NOL10: variants seen among roughly 807,000 people sequenced by gnomAD.
NOL10 encodes the protein H_NH0074G24.1.
In NOL10, 58 loss-of-function variants were observed where a neutral mutation model predicts 103.5. That is an observed-to-expected ratio of 0.56 (90% CI 0.45 to 0.70). The LOEUF (loss-of-function observed/expected upper bound fraction) is 0.70, where lower values mean the gene tolerates loss of function less well. Ranked by LOEUF, NOL10 falls within the 30% of genes least tolerant of loss-of-function variation. The probability of loss-of-function intolerance (pLI) is 0.00; values close to 1 mark genes in which losing one functional copy is unlikely to be tolerated. For synonymous variants in NOL10, 287 were observed against 282.5 expected, an observed-to-expected ratio of 1.02 and a Z score of -0.16; for missense variants, 763 against 807.3, an observed-to-expected ratio of 0.95 and a Z score of 0.67.
At chr2:10,621,437 T>C (rs542040291) in intron 13 of NOL10, among the ~76,000 whole-genome samples, 1 of 151,994 alleles carries the variant, frequency 6.6e-6, no homozygotes, top group Non-Finnish European at 1.5e-5. Flanking sequence ...CTATAAAACA[T>C]ACGAAAATTA....
At chr2:10,593,240 G>A (rs1162824919) in intron 17 of NOL10, among the ~76,000 whole-genome samples, 2 of 151,908 alleles carry the variant, frequency 1.3e-5, no homozygotes, top group African/African-American at 4.8e-5. Flanking sequence ...CCGGGTTCAA[G>A]CGATTCTCCT....
At chr2:10,627,759 A>G (rs1677572928) in intron 13 of NOL10, among the ~76,000 whole-genome samples, 3 of 149,288 alleles carry the variant, frequency 2.0e-5, no homozygotes. Flanking sequence ...GGAGGGAGGG[A>G]GAGAGGGAGG....
rs192126575 is a variant in NOL10, at chr2:10,687,378, T to C, written c.66+2418A>G. 2.2e-3 allele frequency among the ~76,000 whole-genome samples: 340 copies of C among 152,194 alleles called. 1 individual carries two copies. The highest frequency in any genetic ancestry group is 7.8e-3 in the African/African-American group (324 of 41,536). On this transcript the variant is annotated intron_variant, in intron 1 of 20. Transcript: ENST00000381685. ...GACCACCACCTCCTCCTTGAAACAC[T>C]TACTTCTACAAAACTACACATTTCC...
chr2:10,596,590 G>A lies in NOL10; in HGVS notation c.1422+4263C>T, dbSNP rs182081323. On this transcript the variant is annotated intron_variant, in intron 17 of 20. Transcript: ENST00000381685. ...CCTGACAGGAGGTGGGGCTCAGGCA[G>A]TAATGTGAGCAATGGGGAGTGGCTG... Among the ~76,000 whole-genome samples the A allele has an allele frequency of 2.4e-4, 37 of 152,270 alleles. No individual in the cohort carries two copies. The East Asian group carries it at 7.0e-3, about 29-fold the overall frequency.
chr2:10,660,614 G>T (rs999083850), intron 9 of NOL10, among the ~76,000 whole-genome samples: 4 of 151,972 alleles, frequency 2.6e-5, no homozygotes, highest in Non-Finnish European at 1.5e-5. Flanking sequence ...CACCACACCT[G>T]GCCCATATAT....
intron 19 of NOL10, among the ~76,000 whole-genome samples, chr2:10,582,358 C>G (rs1165814084): frequency 1.3e-5 from 2 of 152,202 alleles, no homozygotes; most frequent in Admixed American, 6.5e-5. Flanking sequence ...AGGGCAGGTA[C>G]TTCAAAGAAT....
intron 5 of NOL10, 49 bp downstream of exon 5, chr2:10,673,471 C>T: frequency 1.8e-6 from 2 of 1,133,724 alleles, no homozygotes; most frequent in Non-Finnish European, 2.5e-6. Flanking sequence ...AAATTCCACT[C>T]ACTCATTTCT....
chr2:10,587,298 G>A lies in NOL10; in HGVS notation c.1844+1745C>T, dbSNP rs1195547857. The stretch of plus-strand genomic sequence containing the variant: ...ATATTTTTTTTTTTTTTGAGATGGA[G>A]TCTAGTTCTGTTGCCAGACTGGAGT... On this transcript the variant is annotated intron_variant, in intron 19 of 20. Transcript: ENST00000381685. Among the ~76,000 whole-genome samples the A allele has an allele frequency of 1.2e-4, 13 of 112,234 alleles. No individual in the cohort carries two copies. The Admixed American group carries it at 1.2e-3, about 10-fold the overall frequency. 73.6% of individuals were successfully genotyped at this position (112,234 alleles called of 152,430 possible). A position where few individuals can be genotyped will look rare whatever the true frequency, so the allele number is the denominator to read the frequency against.
intron 12 of NOL10, among the ~76,000 whole-genome samples, chr2:10,647,188 A>AGTAGGCAGTGCACT (rs145906698): frequency 6.6e-6 from 1 of 150,524 alleles, no homozygotes; most frequent in Non-Finnish European, 1.5e-5. Flanking sequence ...TATAGTGTAT[A>AGTAGGCAGTGCACT]GTACGCTGTA....
intron 1 of NOL10, among the ~76,000 whole-genome samples, chr2:10,688,445 T>A (rs184815996): frequency 7.9e-5 from 12 of 152,306 alleles, no homozygotes; most frequent in Admixed American, 7.2e-4. Context: ...TGCATTCCCA[T>A]GTGGGGCTTT....
At chr2:10,612,046 C>G (rs1676600843) in intron 13 of NOL10, among the ~76,000 whole-genome samples, 1 of 152,034 alleles carries the variant, frequency 6.6e-6, no homozygotes, top group Admixed American at 6.6e-5. Context: ...TCCCTTAAGC[C>G]CAGGATTTGG....
chr2:10,582,570 A>AT (rs1346192678), intron 19 of NOL10, among the ~76,000 whole-genome samples: 2 of 152,166 alleles, frequency 1.3e-5, no homozygotes, highest in African/African-American at 2.4e-5. Flanking sequence ...ATGTGCCCAG[A>AT]TTCCTGAGGC....
chr2:10,604,554 C>T (rs1676146087), intron 14 of NOL10: 2 of 152,102 alleles, frequency 1.3e-5, no homozygotes, highest in African/African-American at 4.8e-5. Flanking sequence ...CTTAATGAAA[C>T]GTGAATGTAT....
At chr2:10,637,188 CAA>C (rs61693251) in intron 13 of NOL10, among the ~76,000 whole-genome samples, 2,081 of 44,354 alleles carry the variant, frequency 0.047, 23 homozygotes, top group African/African-American at 0.17. Flanking sequence ...GACACTGTCT[CAA>C]AAAAAAAAAA....
intron 13 of NOL10, among the ~76,000 whole-genome samples, chr2:10,634,384 GA>G (rs1294443572): frequency 6.6e-6 from 1 of 152,174 alleles, no homozygotes; most frequent in Non-Finnish European, 1.5e-5. Flanking sequence ...CTAGACAGCC[GA>G]GTGAGCAACA....
At chr2:10,689,644 C>A (rs113179912) in intron 1 of NOL10, among the ~76,000 whole-genome samples, 152 bp downstream of exon 1, 3,091 of 152,360 alleles carry the variant, frequency 0.02, 46 homozygotes, top group Non-Finnish European at 0.032. Flanking sequence ...ACACCTCCCC[C>A]GGAAATTGTC....
intron 19 of NOL10, among the ~76,000 whole-genome samples, chr2:10,585,589 A>T (rs1674985678): frequency 6.6e-6 from 1 of 152,234 alleles, no homozygotes; most frequent in African/African-American, 2.4e-5. Flanking sequence ...ATACACTGGA[A>T]TATTACTTGG....
intron 12 of NOL10, among the ~76,000 whole-genome samples, chr2:10,648,255 G>A (rs1353765299): frequency 6.6e-6 from 1 of 152,116 alleles, no homozygotes; most frequent in African/African-American, 2.4e-5. Flanking sequence ...AAATGAGTAA[G>A]TGAAAAGAAA....
In NOL10 at chr2:10,587,279, T is replaced by A. The variant is rs1282294832; in HGVS notation, c.1844+1764A>T. Among the ~76,000 whole-genome samples, 69 of 59,412 alleles carry A rather than the reference T, an allele frequency of 1.2e-3. 9 individuals are homozygous for A. The highest frequency in any genetic ancestry group is 1.9e-3 in the African/African-American group (32 of 16,794). 39.0% of individuals were successfully genotyped at this position (59,412 alleles called of 152,430 possible). A position where few individuals can be genotyped will look rare whatever the true frequency, so the allele number is the denominator to read the frequency against. On this transcript the variant is annotated intron_variant, in intron 19 of 20. Coordinates refer to ENST00000381685, the MANE Select transcript of NOL10 (RefSeq NM_024894.4). ...TATACACATATATATATATATATTT[T>A]TTTTTTTTTTGAGATGGAGTCTAGT...
Sources: allele counts gnomAD v4.1 joint callset (sites outside exome capture counted in the v4.1 genomes callset), GRCh38; gene constraint gnomAD v4.1.1; transcripts MANE v1.5; gene names NCBI Gene and HGNC (gene_info 2026-07-23, HGNC 2026-07-21).